PCSK6: variants seen among roughly 807,000 people sequenced by gnomAD.
PCSK6 encodes paired basic amino acid cleaving enzyme 4.
In PCSK6, 85 loss-of-function variants were observed where a neutral mutation model predicts 123.3. That is an observed-to-expected ratio of 0.69 (90% confidence interval 0.58 to 0.83). The LOEUF (loss-of-function observed/expected upper bound fraction) is 0.83, where lower values mean the gene tolerates loss of function less well. Ranked by LOEUF, PCSK6 falls within the 40% of genes least tolerant of loss-of-function variation. PCSK6 has a pLI of 0.00. For synonymous variants in PCSK6, 508 were observed against 516.0 expected (o/e 0.98, Z 0.21); for missense variants, 1,191 against 1,282.3 (o/e 0.93, Z 1.09).
rs914958364 is a variant in PCSK6 at position 101,398,706 on chromosome 15, T to A, written c.824-130A>T. 1.8e-5 allele frequency: 18 copies of A among 1,002,212 alleles called. No individual in the cohort carries two copies. In the African/African-American group the frequency reaches 2.1e-4, roughly 12 times the overall value. The allele number at this position is 1,002,212 out of a possible 1,614,324, so 62.1% of individuals were successfully genotyped here. ...CCTCCCCAGCAGGGGCTGTTCCCAG[T>A]CATTCTGCAAAACTGGCTCCTCTTC... On this transcript the variant is annotated intron_variant, in intron 6 of 21. Coordinates refer to ENST00000611716, the MANE Select transcript of PCSK6 (RefSeq NM_002570.5). The surrounding 1 kb of genome is among the most constrained non-coding windows in gnomAD (Gnocchi z 4.6).
At chr15:101,312,512 T>A (rs1435838203) in intron 20 of PCSK6, 5 of 127,298 alleles carry the variant, frequency 3.9e-5, no homozygotes, top group African/African-American at 2.1e-4. Context: ...AGGATCTTTT[T>A]AATTTCTCTA....
At chr15:101,329,446 G>A (rs2040328966) in intron 15 of PCSK6, among the ~76,000 whole-genome samples, 1 of 152,202 alleles carries the variant, frequency 6.6e-6, no homozygotes, top group African/African-American at 2.4e-5. Context: ...GCAGACAAGA[G>A]GTGCCCACGA....
At chr15:101,429,288 C>T (rs1269085635) in intron 5 of PCSK6, among the ~76,000 whole-genome samples, 1 of 152,158 alleles carries the variant, frequency 6.6e-6, no homozygotes, top group Non-Finnish European at 1.5e-5. Context: ...CTGCCGTTTA[C>T]ACTGCAAAGT....
At chr15:101,410,061 T>G (rs954948817) in intron 6 of PCSK6, among the ~76,000 whole-genome samples, 6 of 152,188 alleles carry the variant, frequency 3.9e-5, no homozygotes, top group Non-Finnish European at 7.3e-5. Flanking sequence ...GCCTCCTGAG[T>G]GGCTGGGATT....
At chr15:101,428,632 C>T (rs780438813) in intron 5 of PCSK6, among the ~76,000 whole-genome samples, 21 of 152,314 alleles carry the variant, frequency 1.4e-4, no homozygotes, top group Middle Eastern at 3.4e-3. Context: ...TGATGTGCCA[C>T]GTCGGGTCAG....
intron 2 of PCSK6, among the ~76,000 whole-genome samples, chr15:101,441,954 C>A (rs1334147399): frequency 2.6e-5 from 4 of 152,188 alleles, no homozygotes; most frequent in Non-Finnish European, 4.4e-5. Context: ...CTCAACCGCA[C>A]AGAACTCACG....
intron 6 of PCSK6, among the ~76,000 whole-genome samples, chr15:101,410,354 G>T (rs115524618): frequency 6.6e-6 from 1 of 152,172 alleles, no homozygotes; most frequent in Non-Finnish European, 1.5e-5. Flanking sequence ...CACCACCAAT[G>T]CCACCCTGAA....
chr15:101,315,512 A>AT (rs2039969742), intron 19 of PCSK6, among the ~76,000 whole-genome samples: 1 of 152,256 alleles, frequency 6.6e-6, no homozygotes, highest in Admixed American at 6.5e-5. Context: ...TGCGGGGCCC[A>AT]GTATAAAGTG....
At chr15:101,422,748 A>C (rs1197335494) in intron 6 of PCSK6, among the ~76,000 whole-genome samples, 1 of 151,806 alleles carries the variant, frequency 6.6e-6, no homozygotes, top group African/African-American at 2.4e-5. Flanking sequence ...CAGCCTCCCA[A>C]GTAGCTGGGA....
intron 1 of PCSK6, among the ~76,000 whole-genome samples, chr15:101,484,683 G>A (rs761981999): frequency 2.0e-5 from 3 of 152,172 alleles, no homozygotes; most frequent in Non-Finnish European, 4.4e-5. Context: ...GAGCCACCAC[G>A]CCCGGCCTGC....
intron 13 of PCSK6, chr15:101,347,413 A>G: frequency 8.1e-7 from 1 of 1,237,530 alleles, no homozygotes; most frequent in Non-Finnish European, 1.0e-6. Context: ...GGAACTTTTT[A>G]GGATGAATAA....
rs542221719 is a variant in PCSK6, at chr15:101,419,538, T to TTG, written c.823+8353_823+8354insCA. Among the ~76,000 whole-genome samples the TTG allele has an allele frequency of 9.3e-3, 328 of 35,354 alleles. 4 individuals are homozygous for TTG. The highest frequency in any genetic ancestry group is 4.7e-3 in the Non-Finnish European group (83 of 17,622). The allele number at this position is 35,354 out of a possible 152,430, so 23.2% of individuals were successfully genotyped here. On this transcript the variant is annotated intron_variant, in intron 6 of 21. Coordinates refer to ENST00000611716, the MANE Select transcript of PCSK6 (RefSeq NM_002570.5). ...ATCCCAATCAAAATCCCAACAGGGC[T>TTG]TTTTTTTTTTTAATGGAACTTGACA...
intron 1 of PCSK6, among the ~76,000 whole-genome samples, chr15:101,488,528 G>A (rs945174754): frequency 2.0e-5 from 3 of 152,140 alleles, no homozygotes; most frequent in Admixed American, 6.5e-5. Context: ...GGCCGGTGAG[G>A]GTCAGGCCCC....
rs552759710 is a variant in PCSK6 at position 101,385,072 on chromosome 15, G to A, written c.1311-647C>T. Reference sequence around the variant, plus strand: ...CGCCCTGTTGCCCAGGCTGGAGTGCGGTGGTGTGATCTTGGCTCACTGCAA... The same window carrying A: ...CGCCCTGTTGCCCAGGCTGGAGTGCAGTGGTGTGATCTTGGCTCACTGCAA... On this transcript the variant is annotated intron_variant, in intron 9 of 21. Coordinates refer to ENST00000611716, the MANE Select transcript of PCSK6 (RefSeq NM_002570.5). Among the ~76,000 whole-genome samples, 73 of 152,172 alleles carry A rather than the reference G, an allele frequency of 4.8e-4. 1 individual carries two copies. The highest frequency in any genetic ancestry group is 1.6e-3 in the African/African-American group (67 of 41,518).
intron 11 of PCSK6, among the ~76,000 whole-genome samples, chr15:101,378,328 C>T (rs968256253): frequency 4.6e-5 from 7 of 152,192 alleles, no homozygotes; most frequent in South Asian, 2.1e-4. Context: ...CTCTGGTCTA[C>T]GGTCTGACGA....
At chr15:101,430,299 G>T (rs114969345) in intron 4 of PCSK6, among the ~76,000 whole-genome samples, 1 of 151,994 alleles carries the variant, frequency 6.6e-6, no homozygotes, top group South Asian at 2.1e-4. Context: ...TGAGGCCATC[G>T]CTGCTACCCA....
At chr15:101,346,527 A>T in intron 13 of PCSK6, 1 of 237,956 alleles carries the variant, frequency 4.2e-6, no homozygotes, top group Non-Finnish European at 8.0e-6. Context: ...ACGTAGTTTG[A>T]ACACGAAGTG....
intron 15 of PCSK6, among the ~76,000 whole-genome samples, chr15:101,328,525 T>C (rs1244403473): frequency 6.6e-6 from 1 of 152,126 alleles, no homozygotes; most frequent in African/African-American, 2.4e-5. Flanking sequence ...GACAGAATGT[T>C]CTAGGATGTC....
chr15:101,371,029 T>C (rs371007350), intron 11 of PCSK6, among the ~76,000 whole-genome samples: 97 of 152,136 alleles, frequency 6.4e-4, no homozygotes, highest in African/African-American at 2.3e-3. Flanking sequence ...GCCAATACGG[T>C]GAAACCCTGT....
Sources: gnomAD v4.1 joint callset for allele counts (sites outside exome capture counted in the v4.1 genomes callset) on GRCh38, gnomAD v4.1.1 for gene constraint, Gnocchi (gnomAD v3.1) non-coding constraint, MANE v1.5 for transcripts, NCBI Gene and HGNC (gene_info 2026-07-23, HGNC 2026-07-21) for gene names.